The following PRKCE variants were observed in gnomAD, a reference collection of about 807,000 sequenced individuals.
PRKCE encodes the protein protein kinase C epsilon.
In PRKCE, 16 loss-of-function variants were observed where a neutral mutation model predicts 85.4. The ratio of observed to expected loss-of-function variants is 0.19; its 90% CI spans 0.13 to 0.28. The LOEUF (loss-of-function observed/expected upper bound fraction) is 0.28. Ranked by LOEUF, PRKCE falls within the 10% of genes least tolerant of loss-of-function variation. The pLI is 1.00. For synonymous variants in PRKCE, 388 were observed against 371.5 expected (o/e 1.04, Z -0.51); for missense variants, 573 against 975.2 (o/e 0.59, Z 5.49).
In PRKCE at chr2:45,736,563, T is replaced by G. The variant is rs375087929; in HGVS notation, c.348+84115T>G. 4.6e-4 allele frequency among the ~76,000 whole-genome samples: 70 copies of G among 152,338 alleles called. 1 individual carries two copies. The highest frequency in any genetic ancestry group is 4.2e-3 in the East Asian group (22 of 5,192). ...TCCTAAGTTCCCCTGCCCTGGAGTC[T>G]ACTCCTCGCTCTGACTTCCTGACAC... On this transcript the variant is annotated intron_variant, in intron 1 of 14. Transcript: ENST00000306156.
chr2:45,964,152 C>T (rs560861411), intron 2 of PRKCE, among the ~76,000 whole-genome samples: 15 of 152,272 alleles, frequency 9.9e-5, no homozygotes, highest in Admixed American at 4.6e-4. Flanking sequence ...GTTATTTGTT[C>T]GAGGGAGGAA....
chr2:45,806,826 A>G (rs34160432), intron 1 of PRKCE, among the ~76,000 whole-genome samples: 1 of 152,152 alleles, frequency 6.6e-6, no homozygotes, highest in African/African-American at 2.4e-5. Context: ...GTCAGGGACT[A>G]AGGAGGGGAA....
chr2:45,945,163 A>T (rs1700159597), intron 2 of PRKCE, among the ~76,000 whole-genome samples: 1 of 152,204 alleles, frequency 6.6e-6, no homozygotes, highest in Non-Finnish European at 1.5e-5. Context: ...CTGCTGTGTG[A>T]GTCCATTCTT....
chr2:45,846,063 C>T (rs1341962963), intron 2 of PRKCE, among the ~76,000 whole-genome samples: 1 of 152,122 alleles, frequency 6.6e-6, no homozygotes, highest in Non-Finnish European at 1.5e-5. Flanking sequence ...ATGGGAAGCT[C>T]CAGTCTCAGT....
intron 1 of PRKCE, among the ~76,000 whole-genome samples, chr2:45,790,054 G>GAGCT (rs1327716102): frequency 6.6e-6 from 1 of 152,180 alleles, no homozygotes; most frequent in Non-Finnish European, 1.5e-5. Flanking sequence ...GAGCTGGCAG[G>GAGCT]AGCTCACAAG....
In PRKCE at chr2:46,083,100, C is replaced by T. The variant is rs1669253348; in HGVS notation, c.1438-3108C>T. Among the ~76,000 whole-genome samples the T allele has an allele frequency of 2.6e-5, 4 of 152,184 alleles. 1 individual carries two copies. The highest frequency in any genetic ancestry group is 4.2e-4 in the South Asian group (2 of 4,816). The stretch of plus-strand genomic sequence containing the variant: ...CTGAGTAGCTGGGATTACAGGCATG[C>T]GCCACCATGCCCAGCTAATTTTGTA... On this transcript the variant is annotated intron_variant, in intron 10 of 14. Coordinates refer to ENST00000306156, the MANE Select transcript of PRKCE (RefSeq NM_005400.3).
chr2:45,988,719 G>T (rs1703548690), intron 6 of PRKCE, among the ~76,000 whole-genome samples: 1 of 152,184 alleles, frequency 6.6e-6, no homozygotes, highest in Admixed American at 6.5e-5. Context: ...TCATTCGTGG[G>T]TCTGTCCGAG....
intron 11 of PRKCE, among the ~76,000 whole-genome samples, chr2:46,092,950 A>G (rs1670324613): frequency 6.6e-6 from 1 of 152,172 alleles, no homozygotes; most frequent in Non-Finnish European, 1.5e-5. Flanking sequence ...ATACATTATC[A>G]AGTTATTTAA....
intron 1 of PRKCE, among the ~76,000 whole-genome samples, chr2:45,778,009 A>G (rs189051009): frequency 1.4e-4 from 22 of 152,020 alleles, no homozygotes; most frequent in Non-Finnish European, 2.1e-4. Flanking sequence ...AGGGCTGTGC[A>G]GAGAAAACCC....
intron 1 of PRKCE, among the ~76,000 whole-genome samples, chr2:45,824,918 G>A (rs1689822056): frequency 6.6e-6 from 1 of 152,182 alleles, no homozygotes; most frequent in Admixed American, 6.5e-5. Flanking sequence ...GAGGTTTTCT[G>A]GGCCAAGAAA....
At chr2:45,887,518 C>T (rs577799532) in intron 2 of PRKCE, among the ~76,000 whole-genome samples, 6 of 152,034 alleles carry the variant, frequency 3.9e-5, no homozygotes, top group African/African-American at 1.2e-4. Context: ...ATAAGTACCC[C>T]GGAACCACAC....
intron 11 of PRKCE, among the ~76,000 whole-genome samples, chr2:46,090,636 G>T (rs952766535): frequency 1.4e-4 from 21 of 152,088 alleles, no homozygotes; most frequent in Admixed American, 4.6e-4. Context: ...TAGTATACAA[G>T]ATATTTTTTT....
At chr2:45,789,311 G>A (rs907549170) in intron 1 of PRKCE, among the ~76,000 whole-genome samples, 5 of 152,132 alleles carry the variant, frequency 3.3e-5, no homozygotes, top group African/African-American at 1.2e-4. Flanking sequence ...CCATAAGATT[G>A]ACCATATTAT....
chr2:45,883,465 T>A (rs1315248332), intron 2 of PRKCE, among the ~76,000 whole-genome samples: 7 of 152,192 alleles, frequency 4.6e-5, no homozygotes, highest in African/African-American at 1.7e-4. Flanking sequence ...GGAAGGCTCC[T>A]AGAGGTGAGT....
At chr2:45,679,026 C>G (rs975244088) in intron 1 of PRKCE, among the ~76,000 whole-genome samples, 2 of 152,078 alleles carry the variant, frequency 1.3e-5, no homozygotes, top group African/African-American at 2.4e-5. Context: ...GTTTTTTTCA[C>G]TAATGCCCAA....
chr2:46,115,117 C>A lies in PRKCE; in HGVS notation c.1592+28755C>A, dbSNP rs368896855. On this transcript the variant is annotated intron_variant, in intron 11 of 14. Transcript: ENST00000306156. ...GTTCCTGCTTGATCACAGTGTAGCG[C>A]AACCGTCAGTTCTAGGCACTGGCAG... Among the ~76,000 whole-genome samples the A allele has an allele frequency of 1.3e-3, 200 of 152,270 alleles. 1 individual carries two copies. Among genetic ancestry groups the A allele is most frequent in the African/African-American group, 4.4e-3 (181 of 41,554 alleles).
chr2:45,675,078 G>A (rs1484615085), intron 1 of PRKCE, among the ~76,000 whole-genome samples: 1 of 152,208 alleles, frequency 6.6e-6, no homozygotes, highest in East Asian at 1.9e-4. Context: ...GGGATGAGGT[G>A]AGAGTTTCCA....
chr2:45,761,138 T>C (rs1014806294), intron 1 of PRKCE, among the ~76,000 whole-genome samples: 3 of 151,954 alleles, frequency 2.0e-5, no homozygotes, highest in African/African-American at 4.8e-5. Flanking sequence ...CCATCTTGGC[T>C]AACACGGTGA....
intron 10 of PRKCE, among the ~76,000 whole-genome samples, chr2:46,039,608 A>T (rs1029648155): frequency 6.6e-6 from 1 of 152,002 alleles, no homozygotes; most frequent in African/African-American, 2.4e-5. Context: ...TAAAAAAAAA[A>T]TTAAATTTTG....
Sources: gnomAD v4.1 joint callset for allele counts (sites outside exome capture counted in the v4.1 genomes callset) on GRCh38, gnomAD v4.1.1 for gene constraint, MANE v1.5 for transcripts, NCBI Gene and HGNC (gene_info 2026-07-23, HGNC 2026-07-21) for gene names.